The following SPOCK1 variants were observed in gnomAD, a reference collection of about 807,000 sequenced individuals.
The protein encoded by SPOCK1 is testican-1.
A neutral mutation model predicts 55.3 loss-of-function variants in SPOCK1; 23 were observed. The observed-to-expected ratio is 0.42, with a 90% CI of 0.30 to 0.59. SPOCK1 has a LOEUF of 0.59. Ranked by LOEUF, SPOCK1 falls within the 20% of genes least tolerant of loss-of-function variation. The pLI is 0.22. For synonymous variants in SPOCK1, 226 were observed against 221.0 expected (o/e 1.02, Z -0.20); for missense variants, 499 against 552.5 (o/e 0.90, Z 0.97).
chr5:137,181,188 C>G (rs919171378), intron 3 of SPOCK1, among the ~76,000 whole-genome samples: 1 of 152,152 alleles, frequency 6.6e-6, no homozygotes, highest in African/African-American at 2.4e-5. Context: ...ACAAGATTTC[C>G]AACAGGTAGC....
Position 137,289,400 on chromosome 5 carries a change from T to C in SPOCK1, c.187-22345A>G, listed in dbSNP as rs181999381. 2.7e-4 allele frequency among the ~76,000 whole-genome samples: 41 copies of C among 152,220 alleles called. 2 individuals are homozygous for C. In the East Asian group the frequency reaches 7.9e-3, roughly 29 times the overall value. ...TCTGGTTCCATGGTCTAAAATATGATCCAAAGAGTCAGTGACTCTTTGGAT... is the reference window on the plus strand; with the variant it reads ...TCTGGTTCCATGGTCTAAAATATGACCCAAAGAGTCAGTGACTCTTTGGAT... On this transcript the variant is annotated intron_variant, in intron 2 of 10. Transcript: ENST00000394945.
intron 2 of SPOCK1, among the ~76,000 whole-genome samples, chr5:137,326,834 T>C (rs976026481): frequency 2.0e-5 from 3 of 152,236 alleles, no homozygotes; most frequent in African/African-American, 7.2e-5. Flanking sequence ...ATTTGTCTCA[T>C]CTATCATTCC....
chr5:137,387,876 A>C (rs1338182578), intron 2 of SPOCK1, among the ~76,000 whole-genome samples: 2 of 152,140 alleles, frequency 1.3e-5, no homozygotes, highest in Non-Finnish European at 2.9e-5. Flanking sequence ...AAAAAAATAA[A>C]GTATATTTAA....
intron 2 of SPOCK1, among the ~76,000 whole-genome samples, chr5:137,498,016 GTC>G (rs919470964): frequency 1.3e-5 from 2 of 152,124 alleles, no homozygotes; most frequent in Non-Finnish European, 2.9e-5. Flanking sequence ...GCTAGGGAAA[GTC>G]TACCATCACG....
chr5:137,067,044 C>G (rs1379000285), intron 6 of SPOCK1, among the ~76,000 whole-genome samples: 1 of 150,350 alleles, frequency 6.7e-6, no homozygotes, highest in Non-Finnish European at 1.5e-5. Context: ...CCAACTACAG[C>G]TGAGAAAGCT....
intron 2 of SPOCK1, among the ~76,000 whole-genome samples, chr5:137,298,650 G>T (rs1580853431): frequency 6.6e-6 from 1 of 152,122 alleles, no homozygotes; most frequent in South Asian, 2.1e-4. Flanking sequence ...GTCTGGTTTT[G>T]TTCAAATAAT....
At chr5:137,175,036 G>C (rs1192451338) in intron 3 of SPOCK1, among the ~76,000 whole-genome samples, 1 of 152,116 alleles carries the variant, frequency 6.6e-6, no homozygotes, top group Non-Finnish European at 1.5e-5. Context: ...CACTCATTCT[G>C]TAAAAATCTA....
intron 3 of SPOCK1, among the ~76,000 whole-genome samples, chr5:137,228,949 A>G (rs1398922758): frequency 6.6e-6 from 1 of 152,176 alleles, no homozygotes; most frequent in Non-Finnish European, 1.5e-5. Flanking sequence ...GTTAGAACTT[A>G]CCCTGGGTGG....
In SPOCK1 at chr5:136,978,859, A is replaced by G. The variant is rs1561568767; in HGVS notation, c.1130-15T>C. Reference sequence around the variant, plus strand: ...CTGCTCCTCTTCTGAAAGATTAAAAAAAGCATTGAGGTTAGTTTCCACTTA... The same window carrying G: ...CTGCTCCTCTTCTGAAAGATTAAAAGAAGCATTGAGGTTAGTTTCCACTTA... On this transcript the variant is annotated splice_polypyrimidine_tract_variant and intron_variant, in intron 10 of 10. Transcript: ENST00000394945. The G allele has an allele frequency of 6.3e-7, 1 of 1,597,146 alleles. No homozygotes were observed.
intron 4 of SPOCK1, among the ~76,000 whole-genome samples, chr5:137,139,990 G>T (rs1561624148): frequency 6.6e-6 from 1 of 152,198 alleles, no homozygotes; most frequent in African/African-American, 2.4e-5. Context: ...CCCTGAAGAA[G>T]ATGGGGGATA....
At chr5:137,287,980 C>T (rs886340293) in intron 2 of SPOCK1, among the ~76,000 whole-genome samples, 2 of 152,152 alleles carry the variant, frequency 1.3e-5, no homozygotes, top group African/African-American at 4.8e-5. Flanking sequence ...AGAAGAAGGA[C>T]AATAAGAAAA....
At chr5:137,307,975 G>T (rs17171351) in intron 2 of SPOCK1, among the ~76,000 whole-genome samples, 6,033 of 152,290 alleles carry the variant, frequency 0.04, 198 homozygotes, top group East Asian at 0.12. Context: ...CAAAAGAAAT[G>T]AATGTGATGC....
rs1202218401 is a variant in SPOCK1, at chr5:137,498,415, G to A, written c.144C>T (p.Val48=). The stretch of plus-strand genomic sequence containing the variant: ...AGTACTTGTCCCGGTCGTACTGGGA[G>A]ACGGTGCTCAGCCACTGGTCATTGT... ...FLDNDQWLST[V]SQYDRDKYWN... Residue 48 remains valine, a synonymous_variant, in exon 2 of 11, where the codon GTC becomes GTT. Transcript: ENST00000394945. The A allele has an allele frequency of 2.5e-6, 4 of 1,607,772 alleles. No homozygotes were observed. The highest frequency in any genetic ancestry group is 2.2e-5 in the South Asian group (2 of 90,160).
chr5:137,173,522 T>G (rs995974273), intron 3 of SPOCK1, among the ~76,000 whole-genome samples: 1 of 152,168 alleles, frequency 6.6e-6, no homozygotes, highest in Non-Finnish European at 1.5e-5. Context: ...CCTGAACATG[T>G]GCTTAGGGTA....
intron 2 of SPOCK1, among the ~76,000 whole-genome samples, chr5:137,387,520 A>C (rs186900837): frequency 2.6e-5 from 4 of 152,364 alleles, no homozygotes; most frequent in African/African-American, 9.6e-5. Context: ...GCATATTTCT[A>C]AATGAAAGAA....
intron 2 of SPOCK1, among the ~76,000 whole-genome samples, chr5:137,272,697 A>C (rs1463557636): frequency 1.3e-5 from 2 of 151,180 alleles, no homozygotes; most frequent in Non-Finnish European, 2.9e-5. Flanking sequence ...AGTTGTCTGC[A>C]TTAATACATT....
chr5:137,085,268 G>A (rs983074171), intron 5 of SPOCK1, among the ~76,000 whole-genome samples: 12 of 152,142 alleles, frequency 7.9e-5, no homozygotes, highest in Admixed American at 1.3e-4. Context: ...CAGGCGTGAG[G>A]GTAGCGGTCA....
intron 6 of SPOCK1, among the ~76,000 whole-genome samples, chr5:137,064,348 TCAC>T (rs1752454885): frequency 6.6e-6 from 1 of 152,144 alleles, no homozygotes; most frequent in Admixed American, 6.5e-5. Context: ...AAATAAAATA[TCAC>T]CACAACAGTT....
At chr5:137,197,730 T>G (rs1188693251) in intron 3 of SPOCK1, among the ~76,000 whole-genome samples, 2 of 152,246 alleles carry the variant, frequency 1.3e-5, no homozygotes, top group Non-Finnish European at 2.9e-5. Flanking sequence ...GGTTCAAATC[T>G]AGTTCCACTT....
Sources: allele counts gnomAD v4.1 joint callset (sites outside exome capture counted in the v4.1 genomes callset), GRCh38; gene constraint gnomAD v4.1.1; transcripts MANE v1.5; gene names NCBI Gene and HGNC (gene_info 2026-07-23, HGNC 2026-07-21).